The following ZC2HC1C variants were observed in gnomAD, a reference collection of about 807,000 sequenced individuals.
ZC2HC1C encodes zinc finger C2HC domain-containing protein 1C.
Under a neutral mutation model 39.2 loss-of-function variants are expected in ZC2HC1C, and 25 were observed. The observed-to-expected ratio is 0.64, with a 90% confidence interval of 0.47 to 0.89. The LOEUF (loss-of-function observed/expected upper bound fraction) is 0.89. Ranked by LOEUF, ZC2HC1C falls within the 40% of genes least tolerant of loss-of-function variation. The pLI is 0.00. For missense variants in ZC2HC1C, 519 were observed against 548.6 expected, an observed-to-expected ratio of 0.95 and a Z score of 0.54; for synonymous variants, 209 against 214.4, an observed-to-expected ratio of 0.97 and a Z score of 0.22.
intron 2 of ZC2HC1C, among the ~76,000 whole-genome samples, chr14:75,072,315 C>G (rs1349827066): frequency 2.6e-5 from 4 of 152,186 alleles, no homozygotes; most frequent in Admixed American, 6.5e-5. Flanking sequence ...AAAAATGCAG[C>G]CTTTTGTCAC....
intron 2 of ZC2HC1C, among the ~76,000 whole-genome samples, chr14:75,075,328 C>G (rs2139683718): frequency 6.6e-6 from 1 of 152,296 alleles, no homozygotes. Flanking sequence ...CTTTGCTTCT[C>G]TTCTTTGTTG....
intron 2 of ZC2HC1C, among the ~76,000 whole-genome samples, chr14:75,076,069 C>A (rs542898641): frequency 1.0e-3 from 153 of 151,964 alleles, no homozygotes; most frequent in African/African-American, 3.5e-3. Context: ...ATAACAACAA[C>A]AACAAAAACA....
At position 75,079,215 on chromosome 14, in the gene ZC2HC1C, C is replaced by CAAAAAAAAAAAAAAAAA. The variant is rs66560922; in HGVS notation, c.*1655_*1671dup. The CAAAAAAAAAAAAAAAAA allele has an allele frequency of 9.4e-5, 8 of 85,248 alleles. No homozygotes were observed. The highest frequency in any genetic ancestry group is 1.4e-4 in the Non-Finnish European group (6 of 43,598). The allele number at this position is 85,248 out of a possible 1,614,324, so 5.3% of individuals were successfully genotyped here. ...CTGGTGACCTAGTGAGACTCCATCTCAAAAAAAAAAAAAAAAAAAAGAAAA... is the reference window on the plus strand; with the variant it reads ...CTGGTGACCTAGTGAGACTCCATCTCAAAAAAAAAAAAAAAAAAAAAAAAAAAAAAAAAAAAAGAAAA... On this transcript the variant is annotated 3_prime_UTR_variant, in exon 3 of 3. Coordinates refer to ENST00000524913, the MANE Select transcript of ZC2HC1C (RefSeq NM_024643.4).
chr14:75,072,626 A>C (rs992033253), intron 2 of ZC2HC1C, among the ~76,000 whole-genome samples: 2 of 152,194 alleles, frequency 1.3e-5, no homozygotes, highest in Non-Finnish European at 2.9e-5. Context: ...TTACATGATA[A>C]ATTTAGGTGA....
Position 75,071,874 on chromosome 14 carries a change from A to G in ZC2HC1C, c.1301A>G (p.Glu434Gly). 1 of 1,610,394 alleles carries G rather than the reference A, an allele frequency of 6.2e-7. No individual in the cohort carries two copies. The highest frequency in any genetic ancestry group is 8.5e-7 in the Non-Finnish European group (1 of 1,178,396). The change falls in exon 2 of 3, where the codon GAG (glutamate) becomes GGG (glycine). Residue 434 changes from glutamate (E) to glycine (G), a missense_variant. By Grantham distance (98) the Glu-to-Gly change is moderately conservative. Transcript: ENST00000524913. ...GCCCGGGCTAAGGGCACAGAACTAG[A>G]GCAGTACTTGAACTGGAAGGGGCCA... ...SRARAKGTEL[E>G]QYLNWKGPAS...
intron 2 of ZC2HC1C, chr14:75,073,658 A>G (rs1458729600): frequency 1.6e-6 from 2 of 1,280,798 alleles, no homozygotes; most frequent in South Asian, 1.2e-5. Flanking sequence ...GTATCCTTTA[A>G]TCTTCACGTA....
At position 75,078,346 on chromosome 14, in the gene ZC2HC1C, G is replaced by A. The variant is rs764262806; in HGVS notation, c.*782G>A. On this transcript the variant is annotated 3_prime_UTR_variant, in exon 3 of 3. Transcript: ENST00000524913. ...TAAGCCTGGCCAAAACCCAATACAA[G>A]TATGTAAGGTTAAGGCACCAATGTC... 17 of 152,166 alleles carry A rather than the reference G, an allele frequency of 1.1e-4. No individual in the cohort carries two copies. The highest frequency in any genetic ancestry group is 2.2e-4 in the Non-Finnish European group (15 of 68,072). The allele number at this position is 152,166 out of a possible 1,614,324, so 9.4% of individuals were successfully genotyped here. A position where few individuals can be genotyped will look rare whatever the true frequency, so the allele number is the denominator to read the frequency against.
chr14:75,077,295 C>T (rs985000219), intron 2 of ZC2HC1C, among the ~76,000 whole-genome samples: 1 of 152,118 alleles, frequency 6.6e-6, no homozygotes, highest in Non-Finnish European at 1.5e-5. Context: ...TCGGGTACTT[C>T]CAAGCACTGA....
At chr14:75,074,610 C>A (rs778021635) in intron 2 of ZC2HC1C, among the ~76,000 whole-genome samples, 1 of 151,348 alleles carries the variant, frequency 6.6e-6, no homozygotes, top group Non-Finnish European at 1.5e-5. Context: ...GAGTCTCTGT[C>A]GCCCAGGCTG....
chr14:75,077,605 A>C lies in ZC2HC1C; in HGVS notation c.*41A>C. ...ATCCATACGTTCCGCCAGGCTCGAG[A>C]GGTCCAGCAGGTAACTGCCAAAGGT... On this transcript the variant is annotated 3_prime_UTR_variant, in exon 3 of 3. Transcript: ENST00000524913. The C allele has an allele frequency of 6.2e-7, 1 of 1,613,108 alleles. No homozygotes were observed. Among genetic ancestry groups the C allele is most frequent in the Non-Finnish European group, 8.5e-7 (1 of 1,179,334 alleles).
At chr14:75,077,490 T>A (rs1184302345) in intron 2 of ZC2HC1C, 42 bp from the exon 3 acceptor site, 2 of 1,613,376 alleles carry the variant, frequency 1.2e-6, no homozygotes, top group African/African-American at 2.7e-5. Context: ...AGGAAGGAGA[T>A]AGGTGCCAAC....
In ZC2HC1C at chr14:75,071,293, G is replaced by A; in HGVS notation, c.720G>A (p.Lys240=). The A allele has an allele frequency of 6.2e-7, 1 of 1,614,148 alleles. No individual in the cohort carries two copies. Among genetic ancestry groups the A allele is most frequent in the Non-Finnish European group, 8.5e-7 (1 of 1,180,018 alleles). Reference sequence around the variant, plus strand: ...TTCTCCTGAGGGGAAAGCTGAAGAAGACAGAGGAGGAACTCAGAAGGATCC... The same window carrying A: ...TTCTCCTGAGGGGAAAGCTGAAGAAAACAGAGGAGGAACTCAGAAGGATCC... The part of the protein sequence containing the change: ...KQILLRGKLK[K]TEEELRRIQT... The change falls in exon 2 of 3, where the codon AAG becomes AAA. Residue 240 remains lysine, a synonymous_variant. Transcript: ENST00000524913.
chr14:75,071,513 G>C lies in ZC2HC1C; in HGVS notation c.940G>C (p.Gly314Arg). The C allele has an allele frequency of 6.2e-7, 1 of 1,614,122 alleles. No homozygotes were observed. The highest frequency in any genetic ancestry group is 2.2e-5 in the East Asian group (1 of 44,884). Residue 314 changes from glycine to arginine, a missense_variant, in exon 2 of 3, where the codon GGT (glycine) becomes CGT (arginine). Coordinates refer to ENST00000524913, the MANE Select transcript of ZC2HC1C (RefSeq NM_024643.4). ...ETWGRSQQNS[G>R]PFQFSDYRIQ... ...TTGGGGACGGTCTCAACAAAATTCA[G>C]GTCCATTCCAGTTCTCTGATTATAG...
rs1359206384 is a variant in ZC2HC1C at position 75,078,049 on chromosome 14, G to A, written c.*485G>A. On this transcript the variant is annotated 3_prime_UTR_variant, in exon 3 of 3. Coordinates refer to ENST00000524913, the MANE Select transcript of ZC2HC1C (RefSeq NM_024643.4). ...CTCAGAATTGATGGGTGAAGACACT[G>A]AAGAGTCATGAGCAGGCTCCATTAA... The A allele has an allele frequency of 6.2e-6, 1 of 160,834 alleles. No individual in the cohort carries two copies. The highest frequency in any genetic ancestry group is 1.4e-5 in the Non-Finnish European group (1 of 73,622). The allele number at this position is 160,834 out of a possible 1,614,324, so 10.0% of individuals were successfully genotyped here.
At chr14:75,072,943 G>A (rs901172610) in intron 2 of ZC2HC1C, among the ~76,000 whole-genome samples, 3 of 152,150 alleles carry the variant, frequency 2.0e-5, no homozygotes, top group Non-Finnish European at 4.4e-5. Context: ...GGAAAGCGTA[G>A]ATCATATGAT....
chr14:75,071,174 G>A lies in ZC2HC1C; in HGVS notation c.601G>A (p.Ala201Thr). 1 of 1,614,222 alleles carries A rather than the reference G, an allele frequency of 6.2e-7. No homozygotes were observed. The highest frequency in any genetic ancestry group is 8.5e-7 in the Non-Finnish European group (1 of 1,180,046). Residue 201 changes from alanine to threonine, a missense_variant, in exon 2 of 3, where the codon GCC (alanine) becomes ACC (threonine). Ala to Thr is a moderately conservative substitution (Grantham distance 58, BLOSUM62 0). Coordinates refer to ENST00000524913, the MANE Select transcript of ZC2HC1C (RefSeq NM_024643.4). ...TVLAATQAEK[A>T]VANFDRTEWV... Reference sequence around the variant, plus strand: ...TCTTGCTGCCACGCAGGCGGAGAAGGCCGTGGCAAACTTTGACAGGACGGA... The same window carrying A: ...TCTTGCTGCCACGCAGGCGGAGAAGACCGTGGCAAACTTTGACAGGACGGA...
In ZC2HC1C at chr14:75,071,830, A is replaced by G; in HGVS notation, c.1257A>G (p.Lys419=). ...GCAGGATGCGGGGTTCCAAGAGGAA[A>G]GTGTTTGACTCCTCCAGGGCCCGGG... The part of the protein sequence containing the change: ...ICSRMRGSKR[K]VFDSSRARAK... Residue 419 remains lysine (K), a synonymous_variant, in exon 2 of 3, where the codon AAA becomes AAG. Transcript: ENST00000524913. 1 of 1,614,154 alleles carries G rather than the reference A, an allele frequency of 6.2e-7. No individual in the cohort carries two copies. Among genetic ancestry groups the G allele is most frequent in the Non-Finnish European group, 8.5e-7 (1 of 1,180,016 alleles).
chr14:75,074,639 T>C (rs1300845721), intron 2 of ZC2HC1C, among the ~76,000 whole-genome samples: 3 of 152,204 alleles, frequency 2.0e-5, no homozygotes, highest in Non-Finnish European at 4.4e-5. Flanking sequence ...TGGCTTGATC[T>C]TGGCTTACTG....
At position 75,070,824 on chromosome 14, in the gene ZC2HC1C, C is replaced by A. The variant is rs752979098; in HGVS notation, c.251C>A (p.Ser84Tyr). 2.5e-6 allele frequency: 4 copies of A among 1,614,230 alleles called. No homozygotes were observed. Among genetic ancestry groups the A allele is most frequent in the Non-Finnish European group, 3.4e-6 (4 of 1,180,042 alleles). Residue 84 changes from serine to tyrosine, a missense_variant, in exon 2 of 3, where the codon TCC becomes TAC. By Grantham distance (144) the Ser-to-Tyr change is moderately radical. Coordinates refer to ENST00000524913, the MANE Select transcript of ZC2HC1C (RefSeq NM_024643.4). Reference protein sequence around the residue: ...WNTQTKARSYSYPHCTGISQQ... With the variant: ...WNTQTKARSYYYPHCTGISQQ... ...ACCCAAACAAAAGCCCGGAGCTACT[C>A]CTATCCCCACTGTACTGGAATCAGC...
Sources: gnomAD v4.1 joint callset for allele counts (sites outside exome capture counted in the v4.1 genomes callset) on GRCh38, gnomAD v4.1.1 for gene constraint, MANE v1.5 for transcripts, NCBI Gene and HGNC (gene_info 2026-07-23, HGNC 2026-07-21) for gene names.